PPM1E: variants seen among roughly 807,000 people sequenced by gnomAD.
The protein encoded by PPM1E is protein phosphatase 1E.
A neutral mutation model predicts 65.9 loss-of-function variants in PPM1E; 20 were observed. The observed-to-expected ratio is 0.30, with a 90% CI of 0.21 to 0.44. PPM1E has a LOEUF of 0.44. Among genes scored for constraint, PPM1E ranks in the 20% least tolerant of loss-of-function variants. The pLI is 1.00. For synonymous variants in PPM1E, 352 were observed against 374.9 expected (o/e 0.94, Z 0.70); for missense variants, 713 against 953.1 (o/e 0.75, Z 3.32).
chr17:58,773,060 A>C (rs2049956630), intron 1 of PPM1E, among the ~76,000 whole-genome samples: 1 of 151,898 alleles, frequency 6.6e-6, no homozygotes, highest in African/African-American at 2.4e-5. Context: ...AAGACTGCCT[A>C]AACTGTTCCC....
intron 1 of PPM1E, among the ~76,000 whole-genome samples, chr17:58,892,305 G>A (rs1333604114): frequency 6.6e-6 from 1 of 152,150 alleles, no homozygotes; most frequent in Non-Finnish European, 1.5e-5. Context: ...CCGGCATGGT[G>A]GCTCATGCCT....
rs566858229 is a variant in PPM1E, at chr17:58,966,271, T to G, written c.783+378T>G. ...AGCTCACGCCTGTAATCCTAGCACT[T>G]TGGGAGGCTGATACGGGAGGATTGC... On this transcript the variant is annotated intron_variant, in intron 3 of 6. Transcript: ENST00000308249. 213 of 367,264 alleles carry G rather than the reference T, an allele frequency of 5.8e-4. 1 individual carries two copies. In the Middle Eastern group the frequency reaches 0.015, roughly 25 times the overall value. 22.8% of individuals were successfully genotyped at this position (367,264 alleles called of 1,614,324 possible).
At chr17:58,819,355 G>A (rs1278051375) in intron 1 of PPM1E, among the ~76,000 whole-genome samples, 1 of 152,116 alleles carries the variant, frequency 6.6e-6, no homozygotes, top group African/African-American at 2.4e-5. Flanking sequence ...CGCCATGTAG[G>A]CCAGGCTGGT....
intron 1 of PPM1E, among the ~76,000 whole-genome samples, chr17:58,825,077 C>T (rs2143151696): frequency 6.6e-6 from 1 of 152,104 alleles, no homozygotes; most frequent in Admixed American, 6.6e-5. Context: ...GCAGTGTATA[C>T]TGCTCGGGTG....
chr17:58,939,249 A>G lies in PPM1E; in HGVS notation c.465-16400A>G, dbSNP rs551140355. ...AATGCAGTTACATTTTTATAATTCAAAATCTTCCACCAAGCATGTTTTCAG... is the reference window on the plus strand; with the variant it reads ...AATGCAGTTACATTTTTATAATTCAGAATCTTCCACCAAGCATGTTTTCAG... On this transcript the variant is annotated intron_variant, in intron 1 of 6. Transcript: ENST00000308249. 4.6e-5 allele frequency among the ~76,000 whole-genome samples: 7 copies of G among 152,374 alleles called. No homozygotes were observed. The East Asian group carries it at 9.6e-4, about 21-fold the overall frequency.
chr17:58,816,783 TATATA>T (rs2050427061), intron 1 of PPM1E, among the ~76,000 whole-genome samples: 4 of 12,044 alleles, frequency 3.3e-4, no homozygotes, highest in Non-Finnish European at 6.8e-4. Context: ...TATATATATA[TATATA>T]TATATATTTT....
chr17:58,981,223 T>A lies in PPM1E; in HGVS notation c.*192T>A, dbSNP rs1419932188. The A allele has an allele frequency of 5.6e-6, 3 of 540,274 alleles. No individual in the cohort carries two copies. In the African/African-American group the frequency reaches 5.8e-5, roughly 10 times the overall value. 33.5% of individuals were successfully genotyped at this position (540,274 alleles called of 1,614,324 possible). ...AATCTAAAAAGAAGTATTGGCAGTT[T>A]CACTTGCAAAATTACACAGCTGGTC... On this transcript the variant is annotated 3_prime_UTR_variant, in exon 7 of 7. Transcript: ENST00000308249.
At chr17:58,766,832 T>C (rs2049885030) in intron 1 of PPM1E, among the ~76,000 whole-genome samples, 1 of 152,160 alleles carries the variant, frequency 6.6e-6, no homozygotes, top group Admixed American at 6.6e-5. Flanking sequence ...TAGTTCAAAG[T>C]GGTTCAAGGC....
In PPM1E at chr17:58,939,675, A is replaced by G. The variant is rs975170637; in HGVS notation, c.465-15974A>G. 1.0e-3 allele frequency among the ~76,000 whole-genome samples: 159 copies of G among 152,292 alleles called. 1 individual carries two copies. The highest frequency in any genetic ancestry group is 3.6e-3 in the African/African-American group (151 of 41,576). On this transcript the variant is annotated intron_variant, in intron 1 of 6. Coordinates refer to ENST00000308249, the MANE Select transcript of PPM1E (RefSeq NM_014906.5). ...TGATTTTCAACATTGTTTAAAAAAT[A>G]TTTATGTATATAATTTTTATATGCC... is the stretch of plus-strand genomic sequence containing the variant.
At chr17:58,891,339 T>C (rs1454445398) in intron 1 of PPM1E, among the ~76,000 whole-genome samples, 1 of 152,084 alleles carries the variant, frequency 6.6e-6, no homozygotes, top group Non-Finnish European at 1.5e-5. Flanking sequence ...TATTATTATT[T>C]TGAGATGGAG....
intron 1 of PPM1E, among the ~76,000 whole-genome samples, chr17:58,917,943 A>G (rs1292171202): frequency 6.6e-6 from 1 of 152,190 alleles, no homozygotes; most frequent in Admixed American, 6.5e-5. Context: ...GCTATGAATA[A>G]AAGCATTTTC....
At chr17:58,967,889 C>T (rs1042192682) in intron 3 of PPM1E, among the ~76,000 whole-genome samples, 5 of 151,814 alleles carry the variant, frequency 3.3e-5, no homozygotes, top group Admixed American at 1.3e-4. Context: ...CTGCAACCTC[C>T]GCTTCCCGGG....
At chr17:58,781,499 A>G (rs1159420825) in intron 1 of PPM1E, among the ~76,000 whole-genome samples, 2 of 152,164 alleles carry the variant, frequency 1.3e-5, no homozygotes, top group African/African-American at 4.8e-5. Context: ...GAATTTAACT[A>G]TGGGTGTTTC....
At chr17:58,927,856 C>A (rs1294734487) in intron 1 of PPM1E, among the ~76,000 whole-genome samples, 1 of 151,868 alleles carries the variant, frequency 6.6e-6, no homozygotes, top group Non-Finnish European at 1.5e-5. Context: ...GTCAGGAGTT[C>A]GAGACCAGCC....
intron 1 of PPM1E, among the ~76,000 whole-genome samples, chr17:58,852,949 C>T (rs1423862905): frequency 6.6e-6 from 1 of 151,956 alleles, no homozygotes; most frequent in Non-Finnish European, 1.5e-5. Flanking sequence ...AAGTCATTTG[C>T]CCACTTTTTA....
intron 1 of PPM1E, among the ~76,000 whole-genome samples, chr17:58,933,625 A>G (rs1372138761): frequency 6.6e-6 from 1 of 151,844 alleles, no homozygotes; most frequent in Non-Finnish European, 1.5e-5. Flanking sequence ...GTGAAACTCC[A>G]TCTCTACTAA....
At chr17:58,957,074 G>C (rs1426943867) in intron 2 of PPM1E, among the ~76,000 whole-genome samples, 1 of 152,142 alleles carries the variant, frequency 6.6e-6, no homozygotes. Flanking sequence ...CTGATGCATA[G>C]AGTAAAAGCC....
At chr17:58,896,030 G>A (rs2051409759) in intron 1 of PPM1E, among the ~76,000 whole-genome samples, 1 of 148,874 alleles carries the variant, frequency 6.7e-6, no homozygotes, top group Non-Finnish European at 1.5e-5. Flanking sequence ...CAGAAGAATG[G>A]CATGAACCTG....
At chr17:58,906,143 CATAGT>C (rs1362783104) in intron 1 of PPM1E, among the ~76,000 whole-genome samples, 1 of 152,104 alleles carries the variant, frequency 6.6e-6, no homozygotes, top group Non-Finnish European at 1.5e-5. Context: ...TAGAGTTCTT[CATAGT>C]ATTACTTTTA....
Sources: gnomAD v4.1 joint callset for allele counts (sites outside exome capture counted in the v4.1 genomes callset) on GRCh38, gnomAD v4.1.1 for gene constraint, MANE v1.5 for transcripts, NCBI Gene and HGNC (gene_info 2026-07-23, HGNC 2026-07-21) for gene names.